The following KDM4C variants were observed in gnomAD, a reference collection of about 807,000 sequenced individuals.
KDM4C encodes the protein lysine demethylase 4C.
A neutral mutation model predicts 129.3 loss-of-function variants in KDM4C; 81 were observed. The observed-to-expected ratio is 0.63, with a 90% CI of 0.52 to 0.75. KDM4C has a LOEUF of 0.75. KDM4C is among the 30% of genes least tolerant of loss of function. The probability of loss-of-function intolerance (pLI) is 0.00; values close to 1 mark genes in which losing one functional copy is unlikely to be tolerated. For missense variants in KDM4C, 1,457 were observed against 1,304.0 expected, an observed-to-expected ratio of 1.12 and a Z score of -1.81; for synonymous variants, 573 against 456.1, an observed-to-expected ratio of 1.26 and a Z score of -3.26.
At chr9:6,974,726 A>G (rs1422926390) in intron 8 of KDM4C, 4 of 152,204 alleles carry the variant, frequency 2.6e-5, no homozygotes, top group African/African-American at 7.2e-5. Flanking sequence ...TTAGATCTCT[A>G]AGAGTGTGCA....
intron 4 of KDM4C, among the ~76,000 whole-genome samples, chr9:6,843,517 A>G (rs1313860958): frequency 6.6e-6 from 1 of 152,184 alleles, no homozygotes; most frequent in African/African-American, 2.4e-5. Context: ...AGTTTCAGTG[A>G]AAGACTGGAC....
intron 1 of KDM4C, among the ~76,000 whole-genome samples, chr9:6,788,727 C>G (rs972163443): frequency 6.6e-6 from 1 of 152,262 alleles, no homozygotes; most frequent in Non-Finnish European, 1.5e-5. Context: ...GAGCTGATGG[C>G]TCAGTGGGTG....
intron 8 of KDM4C, among the ~76,000 whole-genome samples, chr9:6,934,713 C>T (rs1279574104): frequency 2.6e-5 from 4 of 151,854 alleles, no homozygotes; most frequent in Admixed American, 1.3e-4. Context: ...CCGCCCACCT[C>T]GGCCTCCCAA....
chr9:6,741,725 T>G (rs1414492216), intron 1 of KDM4C, among the ~76,000 whole-genome samples: 1 of 148,268 alleles, frequency 6.7e-6, no homozygotes, highest in Non-Finnish European at 1.5e-5. Context: ...ATTCAGCACT[T>G]TTTTTTTTTA....
chr9:6,817,784 T>C (rs1185017926), intron 4 of KDM4C, among the ~76,000 whole-genome samples: 1 of 149,004 alleles, frequency 6.7e-6, no homozygotes, highest in Non-Finnish European at 1.5e-5. Flanking sequence ...TTTTTTTTTT[T>C]GAGACAGAGT....
intron 12 of KDM4C, among the ~76,000 whole-genome samples, chr9:7,000,675 C>T (rs1036573340): frequency 6.6e-6 from 1 of 152,040 alleles, no homozygotes; most frequent in African/African-American, 2.4e-5. Context: ...TTTTTTTACT[C>T]TATGAAAACT....
At chr9:6,836,400 T>A (rs1835884043) in intron 4 of KDM4C, among the ~76,000 whole-genome samples, 1 of 152,198 alleles carries the variant, frequency 6.6e-6, no homozygotes, top group African/African-American at 2.4e-5. Flanking sequence ...ATCAGCTTGT[T>A]GAAATCTTAA....
intron 18 of KDM4C, among the ~76,000 whole-genome samples, chr9:7,118,427 A>T (rs998781381): frequency 6.6e-6 from 1 of 152,208 alleles, no homozygotes; most frequent in Non-Finnish European, 1.5e-5. Flanking sequence ...CTTGTAATTT[A>T]CAAAGAAAGC....
chr9:6,761,768 TG>T (rs1688869595), intron 1 of KDM4C, among the ~76,000 whole-genome samples: 2 of 152,202 alleles, frequency 1.3e-5, no homozygotes, highest in South Asian at 4.1e-4. Context: ...TGTTCCCTTT[TG>T]TTAAATATTA....
chr9:7,159,025 T>G (rs934494846), intron 19 of KDM4C, among the ~76,000 whole-genome samples: 2 of 152,238 alleles, frequency 1.3e-5, no homozygotes, highest in African/African-American at 4.8e-5. Context: ...TGGGTGCTCC[T>G]GTATTGGGTG....
At chr9:6,960,990 G>C (rs927977446) in intron 8 of KDM4C, among the ~76,000 whole-genome samples, 5 of 152,084 alleles carry the variant, frequency 3.3e-5, no homozygotes, top group African/African-American at 1.2e-4. Context: ...AGCGACATGG[G>C]GTTCAGTGAT....
chr9:7,111,502 T>G (rs146017734), intron 18 of KDM4C, among the ~76,000 whole-genome samples: 147 of 151,778 alleles, frequency 9.7e-4, no homozygotes, highest in African/African-American at 3.4e-3. Context: ...GGAAACAGAG[T>G]GAGTTTACGT....
chr9:7,122,517 A>G (rs1023755726), intron 18 of KDM4C, among the ~76,000 whole-genome samples: 4 of 152,210 alleles, frequency 2.6e-5, no homozygotes, highest in African/African-American at 9.6e-5. Flanking sequence ...ATCTTGGAAA[A>G]GTCACTTGAC....
chr9:6,952,896 C>G (rs766267772), intron 8 of KDM4C, among the ~76,000 whole-genome samples: 1 of 152,154 alleles, frequency 6.6e-6, no homozygotes, highest in Non-Finnish European at 1.5e-5. Context: ...AACATTTGTA[C>G]AGTGAGCACG....
intron 4 of KDM4C, among the ~76,000 whole-genome samples, chr9:6,836,697 T>G (rs1835948541): frequency 6.6e-6 from 1 of 152,224 alleles, no homozygotes; most frequent in African/African-American, 2.4e-5. Context: ...AGTATCACTT[T>G]GTGTAGTTTT....
intron 19 of KDM4C, among the ~76,000 whole-genome samples, chr9:7,163,078 G>A (rs1843978632): frequency 6.6e-6 from 1 of 152,142 alleles, no homozygotes; most frequent in Admixed American, 6.6e-5. Context: ...CCTCTCCGTG[G>A]AAGGAGCAGA....
Position 7,023,806 on chromosome 9 carries a change from C to G in KDM4C, c.2259+7877C>G, listed in dbSNP as rs187188629. Among the ~76,000 whole-genome samples, 6 of 152,190 alleles carry G rather than the reference C, an allele frequency of 3.9e-5. No individual in the cohort carries two copies. In the East Asian group the frequency reaches 1.2e-3, roughly 29 times the overall value. On this transcript the variant is annotated intron_variant, in intron 15 of 21. Coordinates refer to ENST00000381309, the MANE Select transcript of KDM4C (RefSeq NM_015061.6). ...CCTCTTAGTATTGCTTTTGCTGTATCCCATAGATTTTGGTGTGTTGTGTTT... is the reference window on the plus strand; with the variant it reads ...CCTCTTAGTATTGCTTTTGCTGTATGCCATAGATTTTGGTGTGTTGTGTTT...
chr9:6,800,010 C>G (rs1444105178), intron 2 of KDM4C, among the ~76,000 whole-genome samples: 5 of 150,816 alleles, frequency 3.3e-5, no homozygotes, highest in African/African-American at 1.2e-4. Context: ...ATTGCTTGAG[C>G]CCATGAGTTC....
chr9:7,101,121 A>C (rs999721177), intron 17 of KDM4C, among the ~76,000 whole-genome samples: 2 of 152,136 alleles, frequency 1.3e-5, no homozygotes, highest in African/African-American at 2.4e-5. Context: ...CTTTTCTTAA[A>C]GCTTTCTTCC....
Sources: gnomAD v4.1 joint callset for allele counts (sites outside exome capture counted in the v4.1 genomes callset) on GRCh38, gnomAD v4.1.1 for gene constraint, MANE v1.5 for transcripts, NCBI Gene and HGNC (gene_info 2026-07-23, HGNC 2026-07-21) for gene names.